The following MAPKAP1 variants were observed in gnomAD, a reference collection of about 807,000 sequenced individuals.
MAPKAP1 encodes the protein MAPK associated protein 1, also known as target of rapamycin complex 2 subunit MAPKAP1.
A neutral mutation model predicts 65.7 loss-of-function variants in MAPKAP1; 20 were observed. The observed-to-expected ratio is 0.30, with a 90% CI of 0.21 to 0.44. The LOEUF is 0.44. MAPKAP1 is among the 20% of genes least tolerant of loss of function. The pLI is 1.00. For synonymous variants in MAPKAP1, 222 were observed against 244.3 expected, an observed-to-expected ratio of 0.91 and a Z score of 0.85; for missense variants, 423 against 648.0, an observed-to-expected ratio of 0.65 and a Z score of 3.77.
At chr9:125,459,740 G>T (rs1225292863) in intron 10 of MAPKAP1, among the ~76,000 whole-genome samples, 3 of 152,112 alleles carry the variant, frequency 2.0e-5, no homozygotes, top group African/African-American at 4.8e-5. Flanking sequence ...AGGCAGGGAG[G>T]TTGCAGTGAG....
chr9:125,676,566 C>T (rs1652869143), intron 1 of MAPKAP1, among the ~76,000 whole-genome samples: 1 of 152,034 alleles, frequency 6.6e-6, no homozygotes, highest in African/African-American at 2.4e-5. Context: ...GTACCTAAAG[C>T]AGTCAAACTG....
chr9:125,467,751 G>C (rs1027168000), intron 10 of MAPKAP1, among the ~76,000 whole-genome samples: 2 of 152,180 alleles, frequency 1.3e-5, no homozygotes, highest in African/African-American at 4.8e-5. Context: ...GGTGGGCTGC[G>C]AAGTTCTCTG....
At chr9:125,537,799 T>C (rs1440822687) in intron 7 of MAPKAP1, among the ~76,000 whole-genome samples, 1 of 152,180 alleles carries the variant, frequency 6.6e-6, no homozygotes, top group Non-Finnish European at 1.5e-5. Context: ...ACTTAATAAA[T>C]AATAAATTCA....
At chr9:125,597,264 CAAAAAAAAAAA>C (rs35917056) in intron 4 of MAPKAP1, among the ~76,000 whole-genome samples, 1 of 52,676 alleles carries the variant, frequency 1.9e-5, no homozygotes, top group Non-Finnish European at 3.0e-5. Context: ...GACTCCGTCT[CAAAAAAAAAAA>C]AAAAAAAAAA....
At chr9:125,543,497 C>T (rs1830320488) in intron 6 of MAPKAP1, among the ~76,000 whole-genome samples, 2 of 151,402 alleles carry the variant, frequency 1.3e-5, no homozygotes, top group Non-Finnish European at 2.9e-5. Flanking sequence ...AGGATGGTCT[C>T]GATCTATTGA....
chr9:125,655,587 TAAAG>T (rs771221678), intron 4 of MAPKAP1, among the ~76,000 whole-genome samples: 102 of 152,338 alleles, frequency 6.7e-4, no homozygotes, highest in African/African-American at 1.2e-3. Context: ...TTCACAAAGA[TAAAG>T]AAAGACTAAT....
chr9:125,643,327 T>C (rs1266289451), intron 4 of MAPKAP1, among the ~76,000 whole-genome samples: 3 of 151,870 alleles, frequency 2.0e-5, no homozygotes, highest in Non-Finnish European at 4.4e-5. Flanking sequence ...CCCGAGTAAC[T>C]GAGACTACAG....
intron 8 of MAPKAP1, among the ~76,000 whole-genome samples, chr9:125,498,412 C>A (rs932339622): frequency 5.3e-5 from 8 of 152,196 alleles, no homozygotes; most frequent in African/African-American, 1.9e-4. Context: ...CAAGTCACAA[C>A]CTCTCTTCAC....
Position 125,543,105 on chromosome 9 carries a change from G to T in MAPKAP1, c.912C>A (p.Ile304=). The change falls in exon 7 of 12, where the codon ATC becomes ATA. Residue 304 remains isoleucine, a synonymous_variant. Coordinates refer to ENST00000265960, the MANE Select transcript of MAPKAP1 (RefSeq NM_001006617.3). ...VDNTKVTMKE[I]LLKAVKRRKG... is the part of the protein sequence containing the mutation. ...TTCTTCGCTTCACTGCCTTCAGTAA[G>T]ATTTCCTTCATGGTAACCTTTGTGT... is the stretch of plus-strand genomic sequence containing the variant. 6.2e-7 allele frequency: 1 copy of T among 1,614,024 alleles called. No homozygotes were observed. Among genetic ancestry groups the T allele is most frequent in the Non-Finnish European group, 8.5e-7 (1 of 1,179,896 alleles).
intron 6 of MAPKAP1, among the ~76,000 whole-genome samples, chr9:125,554,569 CAGG>C (rs1276717221): frequency 6.6e-6 from 1 of 152,040 alleles, no homozygotes; most frequent in African/African-American, 2.4e-5. Flanking sequence ...GAGGCCGAGG[CAGG>C]AGGACTGCTT....
chr9:125,444,839 T>C (rs1231047783), intron 10 of MAPKAP1, among the ~76,000 whole-genome samples: 1 of 152,184 alleles, frequency 6.6e-6, no homozygotes, highest in African/African-American at 2.4e-5. Flanking sequence ...TTCAGGGGAA[T>C]GCCACGTTAG....
At chr9:125,700,744 T>G (rs934930876) in intron 1 of MAPKAP1, among the ~76,000 whole-genome samples, 5 of 152,222 alleles carry the variant, frequency 3.3e-5, no homozygotes, top group Admixed American at 1.3e-4. Flanking sequence ...GTTATTTCCT[T>G]ATACAATAGA....
At chr9:125,693,376 T>C (rs1369278161) in intron 1 of MAPKAP1, among the ~76,000 whole-genome samples, 10 of 149,478 alleles carry the variant, frequency 6.7e-5, no homozygotes, top group Non-Finnish European at 1.5e-4. Flanking sequence ...ATCATGCCAT[T>C]GCACTCCAGC....
chr9:125,589,236 C>A (rs984837046), intron 4 of MAPKAP1, among the ~76,000 whole-genome samples: 1 of 152,182 alleles, frequency 6.6e-6, no homozygotes, highest in Non-Finnish European at 1.5e-5. Flanking sequence ...TGCAGTTATT[C>A]TCTCACACAT....
chr9:125,518,878 G>A (rs2133110778), intron 7 of MAPKAP1, among the ~76,000 whole-genome samples: 1 of 152,312 alleles, frequency 6.6e-6, no homozygotes, highest in South Asian at 2.1e-4. Context: ...CATTCTCACA[G>A]CCGTTCTTTT....
intron 7 of MAPKAP1, among the ~76,000 whole-genome samples, chr9:125,528,591 G>A (rs1201809013): frequency 6.6e-6 from 1 of 152,228 alleles, no homozygotes; most frequent in Non-Finnish European, 1.5e-5. Flanking sequence ...GCTCACGCCT[G>A]TAATCCCAGC....
At chr9:125,598,714 G>A (rs190775485) in intron 4 of MAPKAP1, among the ~76,000 whole-genome samples, 3 of 152,094 alleles carry the variant, frequency 2.0e-5, no homozygotes, top group African/African-American at 7.2e-5. Context: ...GATAATAAAA[G>A]TACCTCCTTA....
chr9:125,522,087 C>T (rs558119643), intron 7 of MAPKAP1, among the ~76,000 whole-genome samples: 1 of 152,330 alleles, frequency 6.6e-6, no homozygotes, highest in East Asian at 1.9e-4. Context: ...CTTTGGCTAG[C>T]TTGATGCCAG....
intron 10 of MAPKAP1, among the ~76,000 whole-genome samples, chr9:125,450,449 T>G (rs1852902248): frequency 6.6e-6 from 1 of 152,236 alleles, no homozygotes; most frequent in Admixed American, 6.5e-5. Flanking sequence ...CTTAGTTTTT[T>G]TAAGTTAACA....
Sources: allele counts gnomAD v4.1 joint callset (sites outside exome capture counted in the v4.1 genomes callset), GRCh38; gene constraint gnomAD v4.1.1; transcripts MANE v1.5; gene names NCBI Gene and HGNC (gene_info 2026-07-23, HGNC 2026-07-21).